Variants in RRBP1 observed in about 807,000 individuals in gnomAD.
RRBP1 encodes the protein ribosome-binding protein 1.
RRBP1 carries 94 observed loss-of-function variants against 165.2 expected under a neutral mutation model. The ratio of observed to expected loss-of-function variants is 0.57; its 90% CI spans 0.48 to 0.68. RRBP1 has a LOEUF of 0.68. Among genes scored for constraint, RRBP1 ranks in the 30% least tolerant of loss-of-function variants. The probability of loss-of-function intolerance (pLI) is 0.00; values close to 1 mark genes in which losing one functional copy is unlikely to be tolerated. For synonymous variants in RRBP1, 680 were observed against 714.5 expected, an observed-to-expected ratio of 0.95 and a Z score of 0.77; for missense variants, 1,676 against 1,763.0, an observed-to-expected ratio of 0.95 and a Z score of 0.88.
rs538009168 is a variant in RRBP1, at chr20:17,668,142, T to C, written c.-21-7614A>G. On this transcript the variant is annotated intron_variant, in intron 2 of 24. Transcript: ENST00000377813. ...TCACTGTGCTGAGTGTGAGGAGTTA[T>C]GTTATTCTTCAATTCTGGAAAATCC... is the stretch of plus-strand genomic sequence containing the variant. 1.7e-4 allele frequency among the ~76,000 whole-genome samples: 26 copies of C among 152,342 alleles called. 1 individual carries two copies. The East Asian group carries it at 4.8e-3, about 28-fold the overall frequency.
intron 9 of RRBP1, 66 bp from the exon 10 acceptor site, chr20:17,627,748 C>G: frequency 6.9e-7 from 1 of 1,459,304 alleles, no homozygotes; most frequent in Non-Finnish European, 9.2e-7. Context: ...GGAGGATGCC[C>G]TCACTGCTGC....
chr20:17,679,231 G>A (rs1328484783), intron 2 of RRBP1, among the ~76,000 whole-genome samples: 3 of 152,206 alleles, frequency 2.0e-5, no homozygotes, highest in African/African-American at 7.2e-5. Context: ...TCTAAAAAGT[G>A]AACCTTAAAA....
At chr20:17,616,444 T>C (rs372347907) in intron 21 of RRBP1, among the ~76,000 whole-genome samples, 4 of 152,304 alleles carry the variant, frequency 2.6e-5, no homozygotes, top group South Asian at 2.1e-4. Flanking sequence ...CTGCAGACCC[T>C]GCCCAGAGCT....
chr20:17,628,542 G>T (rs1007101807), intron 9 of RRBP1, among the ~76,000 whole-genome samples: 10 of 152,178 alleles, frequency 6.6e-5, no homozygotes, highest in Non-Finnish European at 1.5e-4. Context: ...AAGCGCACAT[G>T]AGACGACTTC....
chr20:17,624,413 T>TGTCCTAGTGCTTCTATGC (rs1308983287), intron 13 of RRBP1, among the ~76,000 whole-genome samples, 163 bp downstream of exon 13: 2 of 152,200 alleles, frequency 1.3e-5, no homozygotes, highest in Non-Finnish European at 2.9e-5. Flanking sequence ...TGCATCTGTG[T>TGTCCTAGTGCTTCTATGC]GTCCTAGTGC....
At chr20:17,666,006 C>A (rs757951520) in intron 2 of RRBP1, among the ~76,000 whole-genome samples, 5 of 152,170 alleles carry the variant, frequency 3.3e-5, no homozygotes, top group Non-Finnish European at 7.4e-5. Context: ...GGATCTGTTT[C>A]TAGATTCTAC....
chr20:17,644,616 G>A (rs1189501794), intron 3 of RRBP1, among the ~76,000 whole-genome samples: 1 of 152,092 alleles, frequency 6.6e-6, no homozygotes, highest in South Asian at 2.1e-4. Context: ...TGCTTCAGCC[G>A]GCGTCTAGCT....
intron 23 of RRBP1, among the ~76,000 whole-genome samples, chr20:17,615,139 A>G (rs573453269): frequency 1.4e-4 from 22 of 152,356 alleles, no homozygotes; most frequent in African/African-American, 4.6e-4. Flanking sequence ...AAGGCAGCAC[A>G]GGAGACACAC....
intron 3 of RRBP1, among the ~76,000 whole-genome samples, chr20:17,651,795 G>A (rs2036564099): frequency 6.6e-6 from 1 of 152,236 alleles, no homozygotes; most frequent in Non-Finnish European, 1.5e-5. Flanking sequence ...CAAGGATTAG[G>A]AAGGCAGGTG....
chr20:17,621,707 G>A lies in RRBP1; in HGVS notation c.3307C>T (p.Pro1103Ser). 1 of 1,613,692 alleles carries A rather than the reference G, an allele frequency of 6.2e-7. No individual in the cohort carries two copies. Among genetic ancestry groups the A allele is most frequent in the Non-Finnish European group, 8.5e-7 (1 of 1,179,984 alleles). ...ACACTTACCGAGGAGGGCTCCGCGG[G>A]AGCTGGCGGGTGCTTCAGCAGCGTG... ...GPTLLKHPPA[P>S]AEPSSDLASK... The change falls in exon 15 of 25, where the codon CCC becomes TCC. Residue 1103 changes from proline to serine, a missense_variant. This residue lies in a region of RRBP1 where 1,184 missense variants were observed against 1,167.1 expected (regional missense o/e 1.01). Coordinates refer to ENST00000377813, the MANE Select transcript of RRBP1 (RefSeq NM_001365613.2).
Position 17,614,787 on chromosome 20 carries a change from C to G in RRBP1, c.4144G>C (p.Ala1382Pro). The G allele has an allele frequency of 6.2e-7, 1 of 1,613,806 alleles. No individual in the cohort carries two copies. The highest frequency in any genetic ancestry group is 1.7e-5 in the Admixed American group (1 of 60,032). The change falls in exon 24 of 25, where the codon GCA becomes CCA. Residue 1382 changes from alanine to proline, a missense_variant. Around this residue, in one of 5 missense-constraint regions of RRBP1, gnomAD observed 1,184 missense variants for 1,167.1 expected, o/e 1.01. Transcript: ENST00000377813. ...ELLKTTQEQL[A>P]REKDTVKKLQ... ...TTCTTCACCGTGTCCTTCTCCCTTG[C>G]CAGCTGCTCCTGGGTCGTCTTCAGA...
chr20:17,622,003 C>T (rs1277972046), intron 13 of RRBP1, 56 bp from the exon 14 acceptor site: 2 of 1,332,138 alleles, frequency 1.5e-6, no homozygotes, highest in Non-Finnish European at 2.2e-6. Context: ...TGTGGGGCAC[C>T]TCCCCAGGTC....
chr20:17,617,179 A>AC (rs886172982), intron 20 of RRBP1, among the ~76,000 whole-genome samples: 37 of 152,160 alleles, frequency 2.4e-4, no homozygotes, highest in Middle Eastern at 6.8e-3. Context: ...CACTGTCTAC[A>AC]CCCCCCGTTT....
In RRBP1 at chr20:17,633,493, T is replaced by C. The variant is rs935570781; in HGVS notation, c.2577A>G (p.Ala859=). The change falls in exon 8 of 25, where the codon GCA becomes GCG. Residue 859 remains alanine (A), a synonymous_variant. Coordinates refer to ENST00000377813, the MANE Select transcript of RRBP1 (RefSeq NM_001365613.2). Reference sequence around the variant, plus strand: ...GCAGGACCTGCTTCTCGAAGGCAGCTGCCTTGGCTTCCAGAGCTTTCCGCT... The same window carrying C: ...GCAGGACCTGCTTCTCGAAGGCAGCCGCCTTGGCTTCCAGAGCTTTCCGCT... ...EQQRKALEAK[A]AAFEKQVLQL... The C allele has an allele frequency of 6.2e-7, 1 of 1,613,958 alleles. No individual in the cohort carries two copies. The highest frequency in any genetic ancestry group is 8.5e-7 in the Non-Finnish European group (1 of 1,180,022).
intron 3 of RRBP1, among the ~76,000 whole-genome samples, chr20:17,649,307 G>A (rs925817270): frequency 1.3e-5 from 2 of 152,192 alleles, no homozygotes; most frequent in Admixed American, 1.3e-4. Flanking sequence ...CGGGCAGGGC[G>A]GGGGCCTCGG....
chr20:17,630,222 C>A (rs900694106), intron 8 of RRBP1, among the ~76,000 whole-genome samples: 4 of 152,208 alleles, frequency 2.6e-5, no homozygotes, highest in Non-Finnish European at 5.9e-5. Context: ...TTTTTACATT[C>A]TCAAGTGATT....
chr20:17,660,066 T>C lies in RRBP1; in HGVS notation c.442A>G (p.Lys148Glu), dbSNP rs769229385. 1 of 1,614,040 alleles carries C rather than the reference T, an allele frequency of 6.2e-7. No individual in the cohort carries two copies. Among genetic ancestry groups the C allele is most frequent in the South Asian group, 1.1e-5 (1 of 91,018 alleles). The change falls in exon 3 of 25, where the codon AAA becomes GAA. Residue 148 changes from lysine to glutamate, a missense_variant. Coordinates refer to ENST00000377813, the MANE Select transcript of RRBP1 (RefSeq NM_001365613.2). Reference sequence around the variant, plus strand: ...ACAGAGCTGACAGCTGGTTCCACTTTTGCCACTTTTTTCTCCTTCTTCTTT... The same window carrying C: ...ACAGAGCTGACAGCTGGTTCCACTTCTGCCACTTTTTTCTCCTTCTTCTTT... ...DKKKKEKKVA[K>E]VEPAVSSVVN...
intron 20 of RRBP1, among the ~76,000 whole-genome samples, chr20:17,617,766 C>T (rs375889907): frequency 1.3e-5 from 2 of 152,240 alleles, no homozygotes; most frequent in Admixed American, 1.3e-4. Context: ...GTGTGCCGGA[C>T]TCACTGGCTG....
chr20:17,634,607 GGGC>G (rs2036213993), intron 7 of RRBP1, among the ~76,000 whole-genome samples: 15 of 152,336 alleles, frequency 9.8e-5, no homozygotes, highest in Admixed American at 9.8e-4. Flanking sequence ...TGGACTGGCA[GGGC>G]CACTGCCTCA....
Sources: gnomAD v4.1 joint callset for allele counts (sites outside exome capture counted in the v4.1 genomes callset) on GRCh38, gnomAD v4.1.1 for gene constraint, gnomAD v4.1.1 regional missense constraint, MANE v1.5 for transcripts, NCBI Gene and HGNC (gene_info 2026-07-23, HGNC 2026-07-21) for gene names.